BMS1: variants seen among roughly 807,000 people sequenced by gnomAD.
BMS1 encodes BMS1 ribosome biogenesis factor.
A neutral mutation model predicts 138.7 loss-of-function variants in BMS1; 53 were observed. The ratio of observed to expected loss-of-function variants is 0.38; its 90% CI spans 0.31 to 0.48. The LOEUF (loss-of-function observed/expected upper bound fraction) is 0.48. Among genes scored for constraint, BMS1 ranks in the 20% least tolerant of loss-of-function variants. The pLI is 0.97. For synonymous variants in BMS1, 504 were observed against 539.9 expected, an observed-to-expected ratio of 0.93 and a Z score of 0.92; for missense variants, 1,360 against 1,565.5, an observed-to-expected ratio of 0.87 and a Z score of 2.22.
At chr10:42,828,335 T>C (rs561424180) in intron 21 of BMS1, among the ~76,000 whole-genome samples, 1 of 152,390 alleles carries the variant, frequency 6.6e-6, no homozygotes, top group African/African-American at 2.4e-5. Context: ...TGTGTCACCA[T>C]TTATCCATTG....
At chr10:42,810,696 A>G (rs558779527) in intron 13 of BMS1, among the ~76,000 whole-genome samples, 1 of 152,120 alleles carries the variant, frequency 6.6e-6, no homozygotes, top group Non-Finnish European at 1.5e-5. Context: ...GACGATTCAG[A>G]TTATCTATTT....
In BMS1 at chr10:42,820,406, A is replaced by G. The variant is rs771522462; in HGVS notation, c.2751A>G (p.Gly917=). 1.2e-6 allele frequency: 2 copies of G among 1,613,674 alleles called. No individual in the cohort carries two copies. ...TGGGTGGCTTGGGCAACAGTGAGGG[A>G]AATGTTGGCTACGTGCAGGTGGGTC... ...IILGGLGNSE[G]NVGYVQMRLK... is the part of the protein sequence containing the mutation. Residue 917 remains glycine (G), a synonymous_variant, in exon 16 of 23, where the codon GGA becomes GGG. Coordinates refer to ENST00000374518, the MANE Select transcript of BMS1 (RefSeq NM_014753.4).
At chr10:42,790,546 A>G (rs755746112) in intron 5 of BMS1, 35 bp downstream of exon 5, 5 of 1,603,840 alleles carry the variant, frequency 3.1e-6, no homozygotes, top group Non-Finnish European at 3.4e-6. Context: ...TACTAACAGT[A>G]TAATCCTTTT....
Position 42,820,415 on chromosome 10 carries a change from C to T in BMS1, c.2760C>T (p.Gly920=), listed in dbSNP as rs3867300. Residue 920 remains glycine (G), a synonymous_variant, in exon 16 of 23, where the codon GGC becomes GGT. Transcript: ENST00000374518. ...TGGGCAACAGTGAGGGAAATGTTGGCTACGTGCAGGTGGGTCCCTTTGCTA... is the reference window on the plus strand; with the variant it reads ...TGGGCAACAGTGAGGGAAATGTTGGTTACGTGCAGGTGGGTCCCTTTGCTA... ...GGLGNSEGNV[G]YVQMRLKKHR... 1 of 1,613,658 alleles carries T rather than the reference C, an allele frequency of 6.2e-7. No homozygotes were observed. Among genetic ancestry groups the T allele is most frequent in the Non-Finnish European group, 8.5e-7 (1 of 1,179,820 alleles).
rs1445650593 is a variant in BMS1, at chr10:42,785,543, C to G, written c.238C>G (p.Pro80Ala). 6.2e-7 allele frequency: 1 copy of G among 1,613,816 alleles called. No homozygotes were observed. The highest frequency in any genetic ancestry group is 1.1e-5 in the South Asian group (1 of 91,062). ...IPVVDRTPLE[P>A]PPIVVVVMGP... ...AGTGGTTGATCGAACTCCACTAGAG[C>G]CCCCACCAATAGTGGTAGTGGTGAT... The change falls in exon 3 of 23, where the codon CCC (proline) becomes GCC (alanine). Residue 80 changes from proline (P) to alanine (A), a missense_variant. Pro to Ala is a conservative substitution (Grantham distance 27, BLOSUM62 -1). Transcript: ENST00000374518.
chr10:42,827,320 C>T (rs1433080945), intron 21 of BMS1, among the ~76,000 whole-genome samples: 1 of 152,102 alleles, frequency 6.6e-6, no homozygotes. Flanking sequence ...AATAAGTTAC[C>T]GAGTCTCAGG....
chr10:42,788,231 A>G (rs1163339667), intron 4 of BMS1, among the ~76,000 whole-genome samples: 1 of 152,228 alleles, frequency 6.6e-6, no homozygotes, highest in African/African-American at 2.4e-5. Flanking sequence ...TAAGCTTACT[A>G]AATCTTGTAT....
chr10:42,786,535 T>C (rs1348585850), intron 3 of BMS1, among the ~76,000 whole-genome samples: 9 of 152,198 alleles, frequency 5.9e-5, no homozygotes, highest in Admixed American at 3.9e-4. Context: ...TCCTCCTACC[T>C]TAGCCTCCTG....
intron 21 of BMS1, among the ~76,000 whole-genome samples, chr10:42,826,237 TTGTGTGTGTGTGTGTGTGTGTG>T (rs35886214): frequency 6.9e-6 from 1 of 145,648 alleles, no homozygotes; most frequent in Non-Finnish European, 1.5e-5. Flanking sequence ...TTTTTGTTTG[TTGTGTGTGTGTGTGTGTGTGTG>T]TGTGTGTGTG....
chr10:42,800,396 TAAG>T (rs1447787789), intron 12 of BMS1, among the ~76,000 whole-genome samples: 1 of 152,182 alleles, frequency 6.6e-6, no homozygotes, highest in Non-Finnish European at 1.5e-5. Flanking sequence ...ACCAATTTCT[TAAG>T]AATGTAGAGT....
intron 13 of BMS1, among the ~76,000 whole-genome samples, chr10:42,807,269 A>C (rs184260766): frequency 2.0e-4 from 30 of 152,296 alleles, no homozygotes; most frequent in African/African-American, 6.5e-4. Context: ...CATCTTCAAG[A>C]ATGTTAAATA....
At chr10:42,814,008 TGA>T (rs1842264504) in intron 13 of BMS1, among the ~76,000 whole-genome samples, 1 of 152,230 alleles carries the variant, frequency 6.6e-6, no homozygotes, top group Non-Finnish European at 1.5e-5. Context: ...CCATGGCATT[TGA>T]GTTGGCATGT....
At chr10:42,785,700 T>C (rs950101630) in intron 3 of BMS1, 28 bp downstream of exon 3, 9 of 1,604,442 alleles carry the variant, frequency 5.6e-6, no homozygotes, top group Middle Eastern at 1.7e-4. Flanking sequence ...AGACACAGAG[T>C]TGGCGTGGCT....
At position 42,793,414 on chromosome 10, in the gene BMS1, A is replaced by C. The variant is rs190551370; in HGVS notation, c.1089+270A>C. Among the ~76,000 whole-genome samples, 904 of 152,110 alleles carry C rather than the reference A, an allele frequency of 5.9e-3. 3 individuals are homozygous for C. Among genetic ancestry groups the C allele is most frequent in the African/African-American group, 0.021 (859 of 41,508 alleles). On this transcript the variant is annotated intron_variant, in intron 8 of 22. Transcript: ENST00000374518. ...CTGCTGTGTGGCGCCTGCACGGCCCATCCCCGTTTCTACAAAATCAGTGTG... is the reference window on the plus strand; with the variant it reads ...CTGCTGTGTGGCGCCTGCACGGCCCCTCCCCGTTTCTACAAAATCAGTGTG...
rs183264809 is a variant in BMS1 at position 42,783,019 on chromosome 10, C to T, written c.-34+189C>T. On this transcript the variant is annotated intron_variant, in intron 1 of 22. Coordinates refer to ENST00000374518, the MANE Select transcript of BMS1 (RefSeq NM_014753.4). Reference sequence around the variant, plus strand: ...GTTGGGTGAGTGACGTGATGAATCCCTGCAGAGAGCCCAGACGGGGAGGGA... The same window carrying T: ...GTTGGGTGAGTGACGTGATGAATCCTTGCAGAGAGCCCAGACGGGGAGGGA... Among the ~76,000 whole-genome samples the T allele has an allele frequency of 4.9e-3, 746 of 152,122 alleles. 5 individuals carry two copies. The highest frequency in any genetic ancestry group is 0.014 in the Middle Eastern group (4 of 294).
At chr10:42,784,638 G>A in intron 2 of BMS1, 68 bp downstream of exon 2, 3 of 1,513,562 alleles carry the variant, frequency 2.0e-6, no homozygotes, top group Non-Finnish European at 2.7e-6. Flanking sequence ...GCCTCTCACA[G>A]GTGACATTTG....
At chr10:42,824,969 T>G (rs1380640494) in intron 21 of BMS1, among the ~76,000 whole-genome samples, 1 of 151,946 alleles carries the variant, frequency 6.6e-6, no homozygotes, top group Non-Finnish European at 1.5e-5. Context: ...CTGTTTGGGG[T>G]TTTTTGTGGT....
chr10:42,789,969 A>G (rs1841450277), intron 4 of BMS1, among the ~76,000 whole-genome samples: 1 of 152,276 alleles, frequency 6.6e-6, no homozygotes, highest in South Asian at 2.1e-4. Flanking sequence ...ATCCTAGTGG[A>G]CATTGTCTTA....
At position 42,831,635 on chromosome 10, in the gene BMS1, G is replaced by C. The variant is rs1288660778; in HGVS notation, c.*539G>C. 6.5e-6 allele frequency: 1 copy of C among 154,894 alleles called. No homozygotes were observed. Among genetic ancestry groups the C allele is most frequent in the African/African-American group, 2.4e-5 (1 of 41,424 alleles). The allele number at this position is 154,894 out of a possible 1,614,324, so 9.6% of individuals were successfully genotyped here. On this transcript the variant is annotated 3_prime_UTR_variant, in exon 23 of 23. Transcript: ENST00000374518. ...CCTACTGTGCACCCAGGATCTATGGGCTCCTTTGATCACTGGCCCTTGTGG... is the reference window on the plus strand; with the variant it reads ...CCTACTGTGCACCCAGGATCTATGGCCTCCTTTGATCACTGGCCCTTGTGG...
Sources: gnomAD v4.1 joint callset for allele counts (sites outside exome capture counted in the v4.1 genomes callset) on GRCh38, gnomAD v4.1.1 for gene constraint, MANE v1.5 for transcripts, NCBI Gene and HGNC (gene_info 2026-07-23, HGNC 2026-07-21) for gene names.